Variants in C8A observed in about 807,000 individuals in gnomAD.
C8A encodes complement C8 alpha chain.
In C8A, 67 loss-of-function variants were observed where a neutral mutation model predicts 65.3. The observed-to-expected ratio is 1.03, with a 90% CI of 0.84 to 1.26. The LOEUF (loss-of-function observed/expected upper bound fraction) is 1.26. C8A is among the 50% of genes most tolerant of loss of function. The pLI is 0.00. For synonymous variants in C8A, 290 were observed against 259.4 expected (o/e 1.12, Z -1.13); for missense variants, 781 against 723.9 (o/e 1.08, Z -0.90).
intron 7 of C8A, among the ~76,000 whole-genome samples, chr1:56,904,860 C>T (rs904211134): frequency 6.6e-5 from 10 of 152,146 alleles, no homozygotes; most frequent in African/African-American, 2.4e-4. Flanking sequence ...CTGGAATTCT[C>T]TTCTCCCAGC....
chr1:56,916,212 G>T (rs770972179), intron 10 of C8A, among the ~76,000 whole-genome samples: 1 of 152,204 alleles, frequency 6.6e-6, no homozygotes, highest in Non-Finnish European at 1.5e-5. Flanking sequence ...TGCTCCCAAG[G>T]TCCCATTCCT....
chr1:56,871,898 T>G (rs1644149866), intron 2 of C8A, among the ~76,000 whole-genome samples: 1 of 152,182 alleles, frequency 6.6e-6, no homozygotes, highest in African/African-American at 2.4e-5. Context: ...GTTATTTGTT[T>G]GGAGAAGCTC....
At chr1:56,897,018 G>C (rs891257219) in intron 7 of C8A, among the ~76,000 whole-genome samples, 19 of 152,170 alleles carry the variant, frequency 1.2e-4, no homozygotes, top group Non-Finnish European at 1.2e-4. Context: ...CTGGTCAGAG[G>C]CAGGGCGAGG....
intron 7 of C8A, among the ~76,000 whole-genome samples, chr1:56,905,991 T>TGGGTCC (rs1644461459): frequency 6.6e-6 from 1 of 152,132 alleles, no homozygotes; most frequent in South Asian, 2.1e-4. Flanking sequence ...TGTAGACAAA[T>TGGGTCC]ACAGAGATGG....
At position 56,883,693 on chromosome 1, in the gene C8A, T is replaced by C; in HGVS notation, c.855+12T>C. The C allele has an allele frequency of 6.2e-7, 1 of 1,605,976 alleles. No homozygotes were observed. Among genetic ancestry groups the C allele is most frequent in the East Asian group, 2.2e-5 (1 of 44,726 alleles). On this transcript the variant is annotated intron_variant, in intron 6 of 10. Transcript: ENST00000361249. ...AGTATAATGAGAAGGTATTCAAACA[T>C]AATGTCTGTGTCTCACAGTATTCCA...
intron 7 of C8A, among the ~76,000 whole-genome samples, chr1:56,891,763 T>C (rs141460091): frequency 4.5e-4 from 69 of 152,150 alleles, no homozygotes; most frequent in African/African-American, 1.6e-3. Context: ...AAGGACAGGA[T>C]GTGTTTGCCT....
chr1:56,885,997 T>C lies in C8A; in HGVS notation c.926T>C (p.Met309Thr), dbSNP rs1056741518. 4.3e-6 allele frequency: 7 copies of C among 1,613,958 alleles called. No individual in the cohort carries two copies. The African/African-American group carries it at 9.3e-5, about 22-fold the overall frequency. Reference sequence around the variant, plus strand: ...TTTAAGATGAGGAAGGATGACATTATGCTGGATGAAGGAATGCTGCAGTCA... The same window carrying C: ...TTTAAGATGAGGAAGGATGACATTACGCTGGATGAAGGAATGCTGCAGTCA... ...AHFKMRKDDI[M>T]LDEGMLQSLM... Residue 309 changes from methionine (M) to threonine (T), a missense_variant, in exon 7 of 11, where the codon ATG becomes ACG. Transcript: ENST00000361249.
intron 1 of C8A, among the ~76,000 whole-genome samples, chr1:56,863,256 A>G (rs1447634558): frequency 6.6e-6 from 1 of 152,188 alleles, no homozygotes; most frequent in Non-Finnish European, 1.5e-5. Context: ...AATGAACTAC[A>G]TTGAAAAATT....
chr1:56,883,404 A>C, intron 5 of C8A, 77 bp from the exon 6 acceptor site: 2 of 1,308,864 alleles, frequency 1.5e-6, no homozygotes, highest in Non-Finnish European at 1.1e-6. Flanking sequence ...TTTACAAAGC[A>C]AAGATTTAAG....
At chr1:56,911,071 T>TTTTTTTG (rs1644501882) in intron 9 of C8A, among the ~76,000 whole-genome samples, 1 of 145,800 alleles carries the variant, frequency 6.9e-6, no homozygotes, top group Admixed American at 6.6e-5. Context: ...ATGGGTTTTT[T>TTTTTTTG]TTTTTTTTTT....
At chr1:56,900,941 A>T (rs1422992588) in intron 7 of C8A, among the ~76,000 whole-genome samples, 1 of 152,162 alleles carries the variant, frequency 6.6e-6, no homozygotes, top group Non-Finnish European at 1.5e-5. Context: ...ACATAGACAT[A>T]GGGCCCTTGG....
intron 7 of C8A, among the ~76,000 whole-genome samples, chr1:56,899,680 C>G (rs1644412159): frequency 6.6e-6 from 1 of 152,156 alleles, no homozygotes; most frequent in Non-Finnish European, 1.5e-5. Flanking sequence ...CTTTTTCTAA[C>G]TTTTCAGATT....
At chr1:56,880,778 T>C (rs762534069) in intron 4 of C8A, among the ~76,000 whole-genome samples, 39 of 152,190 alleles carry the variant, frequency 2.6e-4, no homozygotes, top group Non-Finnish European at 4.4e-4. Context: ...AGCACAATTA[T>C]GATTTCTTTA....
At chr1:56,875,317 A>T (rs1392603411) in intron 3 of C8A, among the ~76,000 whole-genome samples, 1 of 152,192 alleles carries the variant, frequency 6.6e-6, no homozygotes, top group Non-Finnish European at 1.5e-5. Context: ...ATTTAGAAAA[A>T]GACAATTCAT....
At chr1:56,868,822 G>A in intron 2 of C8A, among the ~76,000 whole-genome samples, 1 of 152,002 alleles carries the variant, frequency 6.6e-6, no homozygotes, top group Non-Finnish European at 1.5e-5. Flanking sequence ...ATCCAGCTTT[G>A]CCTCTTATCT....
rs139141074 is a variant in C8A, at chr1:56,876,064, C to A, written c.319C>A (p.Arg107Ser). ...CAGCCACAGTCTCTTCTCTCCAGGT[C>A]GCTGCCTGAAACGCCACCTTGTGTG... ...GQDFQCKETG[R>S]CLKRHLVCNG... Residue 107 changes from arginine (R) to serine (S), a missense_variant and splice_region_variant, in exon 4 of 11, where the codon CGC (arginine) becomes AGC (serine). Transcript: ENST00000361249. 1 of 1,613,396 alleles carries A rather than the reference C, an allele frequency of 6.2e-7. No individual in the cohort carries two copies. The highest frequency in any genetic ancestry group is 8.5e-7 in the Non-Finnish European group (1 of 1,179,766).
intron 7 of C8A, among the ~76,000 whole-genome samples, chr1:56,897,632 C>A (rs189095684): frequency 6.6e-6 from 1 of 152,152 alleles, no homozygotes; most frequent in Non-Finnish European, 1.5e-5. Flanking sequence ...GTGGGAAAGA[C>A]ATTTAATCAA....
At chr1:56,897,572 T>C (rs539502795) in intron 7 of C8A, among the ~76,000 whole-genome samples, 171 of 152,284 alleles carry the variant, frequency 1.1e-3, no homozygotes, top group African/African-American at 3.8e-3. Context: ...GTTATTAAAA[T>C]AAGACAAAGG....
intron 7 of C8A, among the ~76,000 whole-genome samples, chr1:56,904,664 A>G (rs1644450590): frequency 1.3e-5 from 2 of 152,192 alleles, no homozygotes; most frequent in South Asian, 2.1e-4. Context: ...TAGGCAATAT[A>G]ATTAACCTTC....
Sources: allele counts gnomAD v4.1 joint callset (sites outside exome capture counted in the v4.1 genomes callset), GRCh38; gene constraint gnomAD v4.1.1; transcripts MANE v1.5; gene names NCBI Gene and HGNC (gene_info 2026-07-23, HGNC 2026-07-21).